C11orf65: variants seen among roughly 807,000 people sequenced by gnomAD.
C11orf65 encodes the protein protein MFI.
C11orf65 carries 38 observed loss-of-function variants against 35.3 expected under a neutral mutation model. That is an observed-to-expected ratio of 1.08 (90% CI 0.83 to 1.41). The LOEUF (loss-of-function observed/expected upper bound fraction) is 1.41, where lower values mean the gene tolerates loss of function less well. C11orf65 is among the 40% of genes most tolerant of loss of function. The pLI is 0.00. For missense variants in C11orf65, 370 were observed against 367.1 expected (o/e 1.01, Z -0.06); for synonymous variants, 105 against 114.4 (o/e 0.92, Z 0.53).
In C11orf65 at chr11:108,408,698, T is replaced by C. The variant is rs561516554; in HGVS notation, c.175-1549A>G. ...ATAAATAAAATAAAATAAAATAAAATAAAATAAAATAAAATAAAATAAAAT... is the reference window on the plus strand; with the variant it reads ...ATAAATAAAATAAAATAAAATAAAACAAAATAAAATAAAATAAAATAAAAT... On this transcript the variant is annotated intron_variant, in intron 3 of 8. Coordinates refer to ENST00000393084, the MANE Select transcript of C11orf65 (RefSeq NM_152587.5). Among the ~76,000 whole-genome samples, 133 of 106,752 alleles carry C rather than the reference T, an allele frequency of 1.2e-3. 1 individual carries two copies. The highest frequency in any genetic ancestry group is 5.9e-3 in the African/African-American group (124 of 20,978). 70.0% of individuals were successfully genotyped at this position (106,752 alleles called of 152,430 possible).
At position 108,347,255 on chromosome 11, in the gene C11orf65, ATTGT is replaced by A. The variant is rs764013510; in HGVS notation, c.227-11967_227-11964del. On this transcript the variant is annotated intron_variant, in intron 2 of 3. Transcript: ENST00000524755. The stretch of plus-strand genomic sequence containing the variant: ...AAAGAGATGGAATCAGTGATTTCAG[ATTGT>A]TTGTTTCTTTTTTCTCCAGTTGGTT... The A allele has an allele frequency of 1.1e-5, 17 of 1,509,346 alleles. No individual in the cohort carries two copies. The highest frequency in any genetic ancestry group is 2.3e-5 in the East Asian group (1 of 44,256). 93.5% of individuals were successfully genotyped at this position (1,509,346 alleles called of 1,614,324 possible).
At chr11:108,403,814 T>A (rs887459969) in intron 6 of C11orf65, among the ~76,000 whole-genome samples, 1 of 152,012 alleles carries the variant, frequency 6.6e-6, no homozygotes, top group Non-Finnish European at 1.5e-5. Flanking sequence ...TACATGGGGG[T>A]TTATTTATTT....
intron 3 of C11orf65, chr11:108,331,925 T>C: frequency 1.9e-6 from 3 of 1,614,010 alleles, no homozygotes; most frequent in Non-Finnish European, 2.5e-6. Flanking sequence ...ACTTTGTTTA[T>C]TATACTGGCC....
chr11:108,326,894 C>T (rs188339769), downstream of C11orf65, among the ~76,000 whole-genome samples: 208 of 152,240 alleles, frequency 1.4e-3, no homozygotes, highest in African/African-American at 4.1e-3. Flanking sequence ...GGTACGACAT[C>T]GGCTCACCGC....
chr11:108,399,602 GTATGGAGATGA>G (rs1383046593), intron 6 of C11orf65, among the ~76,000 whole-genome samples: 1 of 152,178 alleles, frequency 6.6e-6, no homozygotes, highest in African/African-American at 2.4e-5. Context: ...GAAGCCAAAG[GTATGGAGATGA>G]TGTGGAGGCA....
chr11:108,411,688 C>T (rs530145747), intron 3 of C11orf65, among the ~76,000 whole-genome samples: 2 of 152,152 alleles, frequency 1.3e-5, no homozygotes, highest in South Asian at 4.1e-4. Context: ...TGAACTGACT[C>T]TATCATTATG....
intron 3 of C11orf65, among the ~76,000 whole-genome samples, chr11:108,410,199 A>G (rs1427360664): frequency 6.6e-6 from 1 of 152,154 alleles, no homozygotes; most frequent in Non-Finnish European, 1.5e-5. Flanking sequence ...CCGTCTCTTT[A>G]TCAACATTTG....
At position 108,354,844 on chromosome 11, in the gene C11orf65, C is replaced by G. The variant is rs775823407; in HGVS notation, c.227-19552G>C. The G allele has an allele frequency of 6.2e-7, 1 of 1,613,856 alleles. No homozygotes were observed. Among genetic ancestry groups the G allele is most frequent in the Non-Finnish European group, 8.5e-7 (1 of 1,179,760 alleles). ...AGAAAACCATGGAAGTGATGAGAAA[C>G]TCTCAGGAAACTCTGTTAACCATTG... On this transcript the variant is annotated intron_variant, in intron 2 of 3. Transcript: ENST00000524755.
downstream of C11orf65, among the ~76,000 whole-genome samples, chr11:108,381,859 A>G (rs560712341): frequency 1.3e-5 from 2 of 152,262 alleles, no homozygotes; most frequent in African/African-American, 4.8e-5. Flanking sequence ...TGCATTTCTA[A>G]TTAATAGAAT....
chr11:108,413,618 C>T (rs575934981), intron 3 of C11orf65, among the ~76,000 whole-genome samples: 11 of 152,092 alleles, frequency 7.2e-5, no homozygotes, highest in Non-Finnish European at 1.6e-4. Flanking sequence ...TTAGAGGAAG[C>T]GCTTTCAACT....
intron 3 of C11orf65, among the ~76,000 whole-genome samples, chr11:108,417,270 C>T (rs543675689): frequency 1.4e-4 from 22 of 152,154 alleles, no homozygotes; most frequent in African/African-American, 3.6e-4. Flanking sequence ...AGGTCAGGTG[C>T]GGCGGCTCAC....
chr11:108,451,428 T>C lies in C11orf65; in HGVS notation c.81+10051A>G, dbSNP rs374845776. Among the ~76,000 whole-genome samples the C allele has an allele frequency of 1.6e-4, 24 of 151,804 alleles. 1 individual carries two copies. The highest frequency in any genetic ancestry group is 6.2e-4 in the South Asian group (3 of 4,822). On this transcript the variant is annotated intron_variant, in intron 2 of 8. Coordinates refer to ENST00000393084, the MANE Select transcript of C11orf65 (RefSeq NM_152587.5). ...CACAATTGCTACAGAGAATAAAATATCTAGGAATCCAACTTACAAGGGATG... is the reference window on the plus strand; with the variant it reads ...CACAATTGCTACAGAGAATAAAATACCTAGGAATCCAACTTACAAGGGATG...
chr11:108,352,233 A>G (rs539473253), intron 2 of C11orf65, among the ~76,000 whole-genome samples: 2 of 152,382 alleles, frequency 1.3e-5, no homozygotes, highest in East Asian at 3.9e-4. Flanking sequence ...TAAAGCAGCC[A>G]TCATAAAAAC....
intron 2 of C11orf65, among the ~76,000 whole-genome samples, chr11:108,351,531 G>A (rs1457223151): frequency 6.6e-6 from 1 of 152,216 alleles, no homozygotes; most frequent in East Asian, 1.9e-4. Context: ...GCTGCAGTTA[G>A]CATCTGGGGC....
Position 108,333,950 on chromosome 11 carries a change from C to T in C11orf65, c.299+1270G>A, listed in dbSNP as rs1591184637. On this transcript the variant is annotated intron_variant, in intron 3 of 3. Coordinates refer to the C11orf65 transcript ENST00000524755. ...TTAAGAATTTAGAAGATGTTGTTGT[C>T]CCTACTATGGAAATTAAGGTAATTT... 6.2e-7 allele frequency: 1 copy of T among 1,610,338 alleles called. No individual in the cohort carries two copies. The highest frequency in any genetic ancestry group is 1.3e-5 in the African/African-American group (1 of 74,902).
chr11:108,342,711 A>T (rs2087742268), intron 2 of C11orf65, among the ~76,000 whole-genome samples: 1 of 152,218 alleles, frequency 6.6e-6, no homozygotes, highest in Admixed American at 6.5e-5. Context: ...AAACTTTCCT[A>T]GTAAAGTTGC....
intron 6 of C11orf65, among the ~76,000 whole-genome samples, chr11:108,395,283 G>A (rs1291102949): frequency 6.6e-6 from 1 of 151,884 alleles, no homozygotes; most frequent in African/African-American, 2.4e-5. Context: ...TTGAATCCAG[G>A]AGTTCAAGAC....
Position 108,314,476 on chromosome 11 carries a change from T to C in C11orf65, c.641-5405A>G, listed in dbSNP as rs4988081. 8.7e-3 allele frequency among the ~76,000 whole-genome samples: 1,321 copies of C among 151,868 alleles called. 22 individuals are homozygous for C. The highest frequency in any genetic ancestry group is 0.03 in the African/African-American group (1,245 of 41,434). On this transcript the variant is annotated intron_variant, in intron 6 of 6. Coordinates refer to the C11orf65 transcript ENST00000525729. ...GTGATTTTTTTTTTTTTATGTGATA[T>C]AAGCCTGGTAGGTCGGTACTTATTT... is the stretch of plus-strand genomic sequence containing the variant.
At chr11:108,466,357 T>C (rs576701894) in intron 1 of C11orf65, among the ~76,000 whole-genome samples, 1 of 152,304 alleles carries the variant, frequency 6.6e-6, no homozygotes, top group East Asian at 1.9e-4. Context: ...GCAGATCACC[T>C]TAAGTCAGGG....
Sources: allele counts gnomAD v4.1 joint callset (sites outside exome capture counted in the v4.1 genomes callset), GRCh38; gene constraint gnomAD v4.1.1; transcripts MANE v1.5; gene names NCBI Gene and HGNC (gene_info 2026-07-23, HGNC 2026-07-21).